CCZ1: variants seen among roughly 807,000 people sequenced by gnomAD.
CCZ1 encodes the protein CCZ1 vacuolar protein trafficking and biogenesis associated.
Under a neutral mutation model 57.8 loss-of-function variants are expected in CCZ1, and 19 were observed. The observed-to-expected ratio is 0.33, with a 90% CI of 0.23 to 0.48. The LOEUF (loss-of-function observed/expected upper bound fraction) is 0.48. Ranked by LOEUF, CCZ1 falls within the 20% of genes least tolerant of loss-of-function variation. The pLI, the probability that CCZ1 is intolerant of heterozygous loss-of-function variation, is 0.99. For synonymous variants in CCZ1, 81 were observed against 167.0 expected (o/e 0.49, Z 3.97); for missense variants, 200 against 492.0 (o/e 0.41, Z 5.61).
chr7:5,920,470 C>CCTTTTTTTTTTTTTTTTTTT (rs1168459709), intron 12 of CCZ1, among the ~76,000 whole-genome samples: 1 of 95,960 alleles, frequency 1.0e-5, no homozygotes, highest in African/African-American at 4.2e-5. Flanking sequence ...TTCTCCCTGG[C>CCTTTTTTTTTTTTTTTTTTT]TTTTTTTTTT....
rs752448641 is a variant in CCZ1 at position 5,926,344 on chromosome 7, C to CTG, written c.*667_*668dup. 9 of 1,259,098 alleles carry CTG rather than the reference C, an allele frequency of 7.1e-6. No homozygotes were observed. The highest frequency in any genetic ancestry group is 2.3e-5 in the East Asian group (1 of 43,002). 78.0% of individuals were successfully genotyped at this position (1,259,098 alleles called of 1,614,324 possible). A position where few individuals can be genotyped will look rare whatever the true frequency, so the allele number is the denominator to read the frequency against. On this transcript the variant is annotated 3_prime_UTR_variant, in exon 15 of 15. Coordinates refer to ENST00000325974, the MANE Select transcript of CCZ1 (RefSeq NM_015622.6). ...TCTTACAGCACGTGCCATCCTAAGC[C>CTG]TGTGTGTGTGTCCTCGTGTCTCTCT...
chr7:5,922,833 C>T (rs886169224), intron 12 of CCZ1, among the ~76,000 whole-genome samples: 5 of 148,306 alleles, frequency 3.4e-5, no homozygotes, highest in African/African-American at 1.3e-4. Context: ...GTGGGAGGAA[C>T]GAGGTGTTAC....
At chr7:5,911,056 G>A (rs1193971390) in intron 8 of CCZ1, among the ~76,000 whole-genome samples, 4 of 148,666 alleles carry the variant, frequency 2.7e-5, no homozygotes, top group Admixed American at 6.7e-5. Flanking sequence ...ATTTTAGATC[G>A]GGTTCTAGGA....
In CCZ1 at chr7:5,905,159, C is replaced by T. The variant is rs1198671605; in HGVS notation, c.588C>T (p.Phe196=). 9 of 1,581,256 alleles carry T rather than the reference C, an allele frequency of 5.7e-6. No individual in the cohort carries two copies. Among genetic ancestry groups the T allele is most frequent in the Non-Finnish European group, 7.7e-6 (9 of 1,166,408 alleles). ...LLDIFGGISF[F]PLDKMTYLKI... ...ACATTTTTGGTGGAATCAGCTTCTTCCCGTTGGATAAAATGACTTATTTGA... is the reference window on the plus strand; with the variant it reads ...ACATTTTTGGTGGAATCAGCTTCTTTCCGTTGGATAAAATGACTTATTTGA... The change falls in exon 7 of 15, where the codon TTC becomes TTT. Residue 196 remains phenylalanine (F), a synonymous_variant. Transcript: ENST00000325974.
intron 1 of CCZ1, among the ~76,000 whole-genome samples, chr7:5,899,348 T>G (rs1390267268): frequency 1.7e-5 from 2 of 120,026 alleles, no homozygotes; most frequent in African/African-American, 3.0e-5. Context: ...TGTGTGTGTG[T>G]GTGTGTGTGT....
chr7:5,902,871 A>G, intron 6 of CCZ1, 127 bp downstream of exon 6: 1 of 1,227,892 alleles, frequency 8.1e-7, no homozygotes, highest in Non-Finnish European at 1.1e-6. Context: ...AGAGCCTGAG[A>G]CAGACCGTCG....
intron 7 of CCZ1, among the ~76,000 whole-genome samples, chr7:5,907,023 A>G (rs1000747338): frequency 2.7e-5 from 4 of 148,536 alleles, no homozygotes; most frequent in African/African-American, 5.0e-5. Flanking sequence ...GCATACCACA[A>G]CACCCAGCTA....
intron 7 of CCZ1, among the ~76,000 whole-genome samples, 180 bp from the exon 8 acceptor site, chr7:5,909,855 A>G (rs1781927576): frequency 3.3e-5 from 5 of 151,530 alleles, no homozygotes; most frequent in Admixed American, 1.3e-4. Flanking sequence ...TTTTGATCTC[A>G]GGTACAAAAA....
At chr7:5,924,188 A>G (rs552731909) in intron 14 of CCZ1, among the ~76,000 whole-genome samples, 1 of 68,168 alleles carries the variant, frequency 1.5e-5, no homozygotes, top group African/African-American at 5.1e-5. Flanking sequence ...ATTTTCTACA[A>G]TTCTAAAAAA....
intron 8 of CCZ1, among the ~76,000 whole-genome samples, chr7:5,911,340 GT>G (rs1055468074): frequency 8.8e-5 from 13 of 148,108 alleles, no homozygotes; most frequent in Non-Finnish European, 1.8e-4. Context: ...TGCTTTCCAA[GT>G]TTTTTTTTAA....
In CCZ1 at chr7:5,905,238, A is replaced by C; in HGVS notation, c.667A>C (p.Thr223Pro). 2 of 1,547,844 alleles carry C rather than the reference A, an allele frequency of 1.3e-6. No homozygotes were observed. Among genetic ancestry groups the C allele is most frequent in the Non-Finnish European group, 1.7e-6 (2 of 1,143,368 alleles). The change falls in exon 7 of 15, where the codon ACT becomes CCT. Residue 223 changes from threonine (T) to proline (P), a missense_variant. Thr to Pro is a conservative substitution (Grantham distance 38, BLOSUM62 -1). Around this residue, in one of 5 missense-constraint regions of CCZ1, gnomAD observed 128 missense variants for 178.4 expected, o/e 0.72. Transcript: ENST00000325974. Reference sequence around the variant, plus strand: ...GGAAAGCCTGAATATAGTCAAATACACTGCTTTTCTCTATAACGATCAGCT... The same window carrying C: ...GGAAAGCCTGAATATAGTCAAATACCCTGCTTTTCTCTATAACGATCAGCT... ...MEESLNIVKY[T>P]AFLYNDQLIW...
chr7:5,900,148 T>C, intron 1 of CCZ1, 136 bp from the exon 2 acceptor site: 1 of 1,171,764 alleles, frequency 8.5e-7, no homozygotes, highest in East Asian at 2.9e-5. Context: ...ACAATTCCTG[T>C]TTTTCTAAAA....
At chr7:5,909,588 A>T (rs199520684) in intron 7 of CCZ1, among the ~76,000 whole-genome samples, 8,558 of 138,610 alleles carry the variant, frequency 0.062, 416 homozygotes, top group East Asian at 0.28. Context: ...AGTCCCAGCT[A>T]GTCTGGAGGC....
intron 1 of CCZ1, among the ~76,000 whole-genome samples, chr7:5,900,046 A>G (rs1407256010): frequency 2.0e-5 from 3 of 150,638 alleles, no homozygotes; most frequent in Non-Finnish European, 4.4e-5. Context: ...CTTATTTTAA[A>G]TAATAGAGAC....
chr7:5,911,016 G>A (rs4720654), intron 8 of CCZ1, among the ~76,000 whole-genome samples: 19,197 of 148,414 alleles, frequency 0.13, 2,112 homozygotes, highest in Non-Finnish European at 0.17. Context: ...GATTACAGGC[G>A]TGAGCTACTG....
rs760308980 is a variant in CCZ1, at chr7:5,910,057, A to T, written c.721A>T (p.Met241Leu). The T allele has an allele frequency of 6.3e-7, 1 of 1,597,632 alleles. No individual in the cohort carries two copies. The highest frequency in any genetic ancestry group is 8.6e-7 in the Non-Finnish European group (1 of 1,168,384). Residue 241 changes from methionine (M) to leucine (L), a missense_variant, in exon 8 of 15, where the codon ATG (methionine) becomes TTG (leucine). By Grantham distance (15) the Met-to-Leu change is conservative (BLOSUM62 2). Transcript: ENST00000325974. ...LIWSGLEQDD[M>L]RILYKYLTTS... ...CAGGAGTGGATTAGAACAAGATGAC[A>T]TGAGAATTTTATACAAATACCTTAC...
rs750179208 is a variant in CCZ1, at chr7:5,910,706, T to TTTTATTTTTTTTA, written c.780+597_780+598insTTTTTATTTATTT. Among the ~76,000 whole-genome samples the TTTTATTTTTTTTA allele has an allele frequency of 1.6e-3, 202 of 123,696 alleles. 2 individuals carry two copies. Among genetic ancestry groups the TTTTATTTTTTTTA allele is most frequent in the Admixed American group, 2.3e-3 (27 of 11,890 alleles). 81.1% of individuals were successfully genotyped at this position (123,696 alleles called of 152,430 possible). A position where few individuals can be genotyped will look rare whatever the true frequency, so the allele number is the denominator to read the frequency against. On this transcript the variant is annotated intron_variant, in intron 8 of 14. Coordinates refer to ENST00000325974, the MANE Select transcript of CCZ1 (RefSeq NM_015622.6). Reference sequence around the variant, plus strand: ...CTTTACTTTTAATTTATGTATTTTATTTTATTTATTTATTTATTTATTTAT... The same window carrying TTTTATTTTTTTTA: ...CTTTACTTTTAATTTATGTATTTTATTTTATTTTTTTTATTTATTTATTTATTTATTTATTTAT...
chr7:5,914,839 G>A (rs1225350943), intron 10 of CCZ1, among the ~76,000 whole-genome samples: 1 of 139,650 alleles, frequency 7.2e-6, no homozygotes, highest in Non-Finnish European at 1.5e-5. Flanking sequence ...TTACGCCACT[G>A]TGCTCCAGTC....
At position 5,906,545 on chromosome 7, in the gene CCZ1, A is replaced by G. The variant is rs979389060; in HGVS notation, c.698+1276A>G. Among the ~76,000 whole-genome samples, 11 of 147,798 alleles carry G rather than the reference A, an allele frequency of 7.4e-5. 1 individual carries two copies. Among genetic ancestry groups the G allele is most frequent in the African/African-American group, 2.3e-4 (9 of 39,798 alleles). On this transcript the variant is annotated intron_variant, in intron 7 of 14. Transcript: ENST00000325974. ...ACCATGTTGGCCAGGCTGGTCCTAA[A>G]CCCCTGACCTCAGGTGATTCCCCTG...
Sources: allele counts gnomAD v4.1 joint callset (sites outside exome capture counted in the v4.1 genomes callset), GRCh38; gene constraint gnomAD v4.1.1; regional missense constraint gnomAD v4.1.1; transcripts MANE v1.5; gene names NCBI Gene and HGNC (gene_info 2026-07-23, HGNC 2026-07-21).